Variants in PDE3A observed in about 807,000 individuals in gnomAD.
PDE3A encodes phosphodiesterase 3A, also known as cGMP-inhibited 3',5'-cyclic phosphodiesterase 3A.
A neutral mutation model predicts 98.3 loss-of-function variants in PDE3A; 43 were observed. That is an observed-to-expected ratio of 0.44 (90% CI 0.34 to 0.56). The LOEUF (loss-of-function observed/expected upper bound fraction) is 0.56. Ranked by LOEUF, PDE3A falls within the 20% of genes least tolerant of loss-of-function variation. The pLI is 0.01. For synonymous variants in PDE3A, 663 were observed against 567.9 expected, an observed-to-expected ratio of 1.17 and a Z score of -2.38; for missense variants, 1,427 against 1,440.7, an observed-to-expected ratio of 0.99 and a Z score of 0.15.
intron 6 of PDE3A, among the ~76,000 whole-genome samples, chr12:20,633,338 C>G (rs947424916): frequency 8.5e-5 from 13 of 152,076 alleles, no homozygotes; most frequent in African/African-American, 2.9e-4. Flanking sequence ...TAGGTCAACA[C>G]CTGCAAAATG....
At chr12:20,598,685 G>T (rs140421374) in intron 2 of PDE3A, among the ~76,000 whole-genome samples, 2 of 152,046 alleles carry the variant, frequency 1.3e-5, no homozygotes, top group Non-Finnish European at 2.9e-5. Flanking sequence ...TGAAGCCTGG[G>T]GTACTTAGAG....
At chr12:20,417,026 G>T (rs1255490510) in intron 1 of PDE3A, among the ~76,000 whole-genome samples, 1 of 152,034 alleles carries the variant, frequency 6.6e-6, no homozygotes, top group Non-Finnish European at 1.5e-5. Flanking sequence ...AATGATGGTT[G>T]GGAACTTTAA....
At chr12:20,433,795 T>A (rs1415509524) in intron 1 of PDE3A, among the ~76,000 whole-genome samples, 1 of 152,120 alleles carries the variant, frequency 6.6e-6, no homozygotes, top group East Asian at 1.9e-4. Flanking sequence ...TTCAGATTCA[T>A]TGTTTGTAGA....
intron 5 of PDE3A, among the ~76,000 whole-genome samples, chr12:20,624,322 C>A (rs1037708504): frequency 5.9e-5 from 9 of 152,018 alleles, no homozygotes; most frequent in African/African-American, 2.2e-4. Flanking sequence ...ATTGAATAAC[C>A]AACATGATAA....
intron 1 of PDE3A, among the ~76,000 whole-genome samples, chr12:20,503,583 C>T (rs1482599356): frequency 6.6e-6 from 1 of 151,880 alleles, no homozygotes; most frequent in East Asian, 1.9e-4. Flanking sequence ...ATTGATCATT[C>T]CCTATTATAT....
At chr12:20,447,043 G>C (rs1160194355) in intron 1 of PDE3A, among the ~76,000 whole-genome samples, 1 of 152,166 alleles carries the variant, frequency 6.6e-6, no homozygotes, top group African/African-American at 2.4e-5. Flanking sequence ...ATTGAGGAGT[G>C]TGGATTTTAT....
chr12:20,487,060 T>C lies in PDE3A; in HGVS notation c.961-69600T>C, dbSNP rs138431471. On this transcript the variant is annotated intron_variant, in intron 1 of 15. Transcript: ENST00000359062. Reference sequence around the variant, plus strand: ...TGTTTCTAATTATTGAAATAATCAATGCTTACTGAACAAATTTTAAAAAAT... The same window carrying C: ...TGTTTCTAATTATTGAAATAATCAACGCTTACTGAACAAATTTTAAAAAAT... Among the ~76,000 whole-genome samples, 522 of 152,342 alleles carry C rather than the reference T, an allele frequency of 3.4e-3. 5 individuals are homozygous for C. The highest frequency in any genetic ancestry group is 0.011 in the African/African-American group (470 of 41,586).
chr12:20,369,741 G>T lies in PDE3A; in HGVS notation c.457G>T (p.Ala153Ser), dbSNP rs754390819. 6.2e-7 allele frequency: 1 copy of T among 1,612,246 alleles called. No individual in the cohort carries two copies. The highest frequency in any genetic ancestry group is 1.7e-5 in the Admixed American group (1 of 59,986). Residue 153 changes from alanine (A) to serine (S), a missense_variant, in exon 1 of 16, where the codon GCC (alanine) becomes TCC (serine). Coordinates refer to ENST00000359062, the MANE Select transcript of PDE3A (RefSeq NM_000921.5). ...CTGGATGGGCTTGTACCTCCTGCGC[G>T]CCGGGGTGCGCCTGCCTCTGGCTGT... ...FFWMGLYLLRAGVRLPLAVAL... is the reference protein window; with the variant it reads ...FFWMGLYLLRSGVRLPLAVAL...
At chr12:20,516,495 A>G (rs1464185451) in intron 1 of PDE3A, among the ~76,000 whole-genome samples, 1 of 152,226 alleles carries the variant, frequency 6.6e-6, no homozygotes, top group East Asian at 1.9e-4. Flanking sequence ...ATTACCTGGC[A>G]TGTAGAATAC....
chr12:20,688,064 A>G lies in PDE3A; in HGVS notation c.*7793A>G, dbSNP rs921016326. 1.3e-5 allele frequency among the ~76,000 whole-genome samples: 2 copies of G among 152,052 alleles called. No homozygotes were observed. Among genetic ancestry groups the G allele is most frequent in the East Asian group, 3.8e-4 (2 of 5,196 alleles). On this transcript the variant is annotated 3_prime_UTR_variant, in exon 16 of 16. Transcript: ENST00000359062. ...AAGCAATATTTTCAAATAACTGCCA[A>G]CCAAAGTGACACTATAGGGATGTCA...
chr12:20,396,317 A>G (rs1565536070), intron 1 of PDE3A, among the ~76,000 whole-genome samples: 1 of 152,102 alleles, frequency 6.6e-6, no homozygotes, highest in Non-Finnish European at 1.5e-5. Context: ...TTAACATTTT[A>G]CTGGCATGAT....
At chr12:20,487,980 G>C (rs1202445784) in intron 1 of PDE3A, among the ~76,000 whole-genome samples, 1 of 151,986 alleles carries the variant, frequency 6.6e-6, no homozygotes, top group Non-Finnish European at 1.5e-5. Flanking sequence ...TCTTCACATA[G>C]AGCAAATATA....
At chr12:20,517,964 A>G (rs952796954) in intron 1 of PDE3A, among the ~76,000 whole-genome samples, 3 of 152,194 alleles carry the variant, frequency 2.0e-5, no homozygotes, top group African/African-American at 7.2e-5. Flanking sequence ...TGCGTGGTCC[A>G]AGGCACATTT....
chr12:20,596,638 C>T (rs545311821), intron 2 of PDE3A, among the ~76,000 whole-genome samples: 1 of 152,082 alleles, frequency 6.6e-6, no homozygotes, highest in African/African-American at 2.4e-5. Flanking sequence ...ACCATATGAA[C>T]GATCTGGCTT....
chr12:20,572,222 G>A, intron 2 of PDE3A: 1 of 773,910 alleles, frequency 1.3e-6, no homozygotes, highest in Non-Finnish European at 1.8e-6. Flanking sequence ...AATTATATTA[G>A]AGAAGGACAG....
rs1555140941 is a variant in PDE3A, at chr12:20,386,120, T to TAA, written c.960+15878_960+15879dup. Among the ~76,000 whole-genome samples, 319 of 76,114 alleles carry TAA rather than the reference T, an allele frequency of 4.2e-3. 14 individuals are homozygous for TAA. Among genetic ancestry groups the TAA allele is most frequent in the South Asian group, 0.016 (51 of 3,140 alleles). The allele number at this position is 76,114 out of a possible 152,430, so 49.9% of individuals were successfully genotyped here. A position where few individuals can be genotyped will look rare whatever the true frequency, so the allele number is the denominator to read the frequency against. On this transcript the variant is annotated intron_variant, in intron 1 of 15. Transcript: ENST00000359062. ...ATATAAATATATATATAAATATATATAAATATATATAAATATATATAAATA... is the reference window on the plus strand; with the variant it reads ...ATATAAATATATATATAAATATATATAAAAATATATATAAATATATATAAATA...
intron 1 of PDE3A, among the ~76,000 whole-genome samples, chr12:20,505,544 T>C (rs1946102401): frequency 6.6e-6 from 1 of 152,088 alleles, no homozygotes; most frequent in African/African-American, 2.4e-5. Flanking sequence ...ATGGTGAATC[T>C]TTGCACATTA....
At chr12:20,636,998 T>C (rs1209775738) in intron 8 of PDE3A, 102 bp from the exon 9 acceptor site, 2 of 734,578 alleles carry the variant, frequency 2.7e-6, no homozygotes, top group African/African-American at 1.8e-5. Flanking sequence ...TTTTAAGTCA[T>C]TTATTTCCGA....
At chr12:20,512,539 C>T (rs1269008207) in intron 1 of PDE3A, among the ~76,000 whole-genome samples, 2 of 152,006 alleles carry the variant, frequency 1.3e-5, no homozygotes, top group Non-Finnish European at 2.9e-5. Context: ...AAATAGTCAA[C>T]ATTTTACAAT....
Sources: allele counts gnomAD v4.1 joint callset (sites outside exome capture counted in the v4.1 genomes callset), GRCh38; gene constraint gnomAD v4.1.1; transcripts MANE v1.5; gene names NCBI Gene and HGNC (gene_info 2026-07-23, HGNC 2026-07-21).